PTTG1IP2: variants seen among roughly 807,000 people sequenced by gnomAD.
The protein encoded by PTTG1IP2 is PTTG1IP family member 2.
chr7:90,474,525 G>C (rs996103650), intron 1 of PTTG1IP2, among the ~76,000 whole-genome samples: 4 of 152,218 alleles, frequency 2.6e-5, no homozygotes, highest in African/African-American at 9.6e-5. Flanking sequence ...TGAATACAAA[G>C]AGCAGGAGGG....
At chr7:90,481,824 C>T (rs1355171751) in intron 2 of PTTG1IP2, among the ~76,000 whole-genome samples, 1 of 152,064 alleles carries the variant, frequency 6.6e-6, no homozygotes, top group Non-Finnish European at 1.5e-5. Flanking sequence ...GTATCTCTAA[C>T]ACCTCACACA....
chr7:90,510,583 A>C (rs2116136735), intron 6 of PTTG1IP2, among the ~76,000 whole-genome samples: 1 of 152,292 alleles, frequency 6.6e-6, no homozygotes, highest in South Asian at 2.1e-4. Context: ...GGGACTTTGG[A>C]TAAATATTCT....
rs973242222 is a variant in PTTG1IP2 at position 90,473,383 on chromosome 7, G to A, written c.145+3452G>A. ...GGGACAGGTGAGATTCACACAGTGA[G>A]GCTAGCAAGGAAGGAGGAGGGGACT... On this transcript the variant is annotated intron_variant, in intron 1 of 6. Coordinates refer to ENST00000509356, the MANE Select transcript of PTTG1IP2 (RefSeq NM_001365443.2). Among the ~76,000 whole-genome samples the A allele has an allele frequency of 3.3e-5, 5 of 152,158 alleles. No homozygotes were observed. In the East Asian group the frequency reaches 9.6e-4, roughly 29 times the overall value.
chr7:90,473,768 A>G (rs555298587), intron 1 of PTTG1IP2, among the ~76,000 whole-genome samples: 1 of 152,348 alleles, frequency 6.6e-6, no homozygotes, highest in South Asian at 2.1e-4. Flanking sequence ...AGAGAGGCAG[A>G]AGAACACAGT....
In PTTG1IP2 at chr7:90,492,234, A is replaced by G. The variant is rs1797946871; in HGVS notation, c.381-5A>G. On this transcript the variant is annotated splice_polypyrimidine_tract_variant and splice_region_variant and intron_variant, in intron 4 of 6. Coordinates refer to ENST00000509356, the MANE Select transcript of PTTG1IP2 (RefSeq NM_001365443.2). ...AAATAAGCCTAATTCTAAATTCACC[A>G]TCAGTTTGAACAGAAATCGTGTCTA... is the stretch of plus-strand genomic sequence containing the variant. The G allele has an allele frequency of 6.6e-6, 1 of 152,238 alleles. No homozygotes were observed. Among genetic ancestry groups the G allele is most frequent in the Non-Finnish European group, 1.5e-5 (1 of 68,040 alleles). The allele number at this position is 152,238 out of a possible 1,614,324, so 9.4% of individuals were successfully genotyped here.
chr7:90,507,015 C>T (rs1017153264), intron 6 of PTTG1IP2, among the ~76,000 whole-genome samples: 1 of 152,136 alleles, frequency 6.6e-6, no homozygotes, highest in Non-Finnish European at 1.5e-5. Flanking sequence ...CGATATATTC[C>T]TGACCTATTG....
At chr7:90,495,242 T>C (rs896351183) in intron 6 of PTTG1IP2, among the ~76,000 whole-genome samples, 2 of 152,220 alleles carry the variant, frequency 1.3e-5, no homozygotes, top group Non-Finnish European at 2.9e-5. Context: ...ATTTTACAGC[T>C]AAAATTTCTA....
At chr7:90,482,705 C>T (rs563533087) in intron 2 of PTTG1IP2, among the ~76,000 whole-genome samples, 4 of 152,244 alleles carry the variant, frequency 2.6e-5, no homozygotes, top group African/African-American at 9.6e-5. Flanking sequence ...CATGGTGTCA[C>T]AATGATAAGA....
intron 1 of PTTG1IP2, among the ~76,000 whole-genome samples, chr7:90,474,100 G>A (rs902668220): frequency 6.6e-6 from 1 of 152,158 alleles, no homozygotes; most frequent in Non-Finnish European, 1.5e-5. Context: ...AGATAGTATA[G>A]CCTATTATAC....
At chr7:90,477,940 A>G (rs1170313625) in intron 1 of PTTG1IP2, among the ~76,000 whole-genome samples, 1 of 151,794 alleles carries the variant, frequency 6.6e-6, no homozygotes. Flanking sequence ...TACTGAAAAT[A>G]CAAAAAATTA....
intron 1 of PTTG1IP2, among the ~76,000 whole-genome samples, chr7:90,473,324 A>G (rs1797711802): frequency 6.6e-6 from 1 of 152,178 alleles, no homozygotes; most frequent in Non-Finnish European, 1.5e-5. Context: ...CCACAGCAGG[A>G]CCACAGATGC....
At chr7:90,505,782 A>C (rs1414126734) in intron 6 of PTTG1IP2, among the ~76,000 whole-genome samples, 1 of 151,834 alleles carries the variant, frequency 6.6e-6, no homozygotes, top group Non-Finnish European at 1.5e-5. Flanking sequence ...CAGGAGATCG[A>C]GACCATCCTG....
At chr7:90,498,618 G>C (rs1238385505) in intron 6 of PTTG1IP2, among the ~76,000 whole-genome samples, 1 of 152,162 alleles carries the variant, frequency 6.6e-6, no homozygotes, top group African/African-American at 2.4e-5. Context: ...AATTTATTGT[G>C]AAAGCCTTTT....
intron 2 of PTTG1IP2, among the ~76,000 whole-genome samples, chr7:90,484,723 T>G (rs1327262886): frequency 1.3e-5 from 2 of 152,158 alleles, no homozygotes; most frequent in African/African-American, 4.8e-5. Context: ...TCAAACTAAT[T>G]TAATAAAAAG....
chr7:90,489,933 A>G (rs1324945982), intron 4 of PTTG1IP2, among the ~76,000 whole-genome samples: 1 of 152,024 alleles, frequency 6.6e-6, no homozygotes. Flanking sequence ...GTTTTAAATT[A>G]TCTTCATTAT....
chr7:90,496,277 G>A (rs980364303), intron 6 of PTTG1IP2, among the ~76,000 whole-genome samples: 3 of 152,032 alleles, frequency 2.0e-5, no homozygotes, highest in African/African-American at 7.3e-5. Flanking sequence ...AGATTTTGGG[G>A]TTTTCTTTTA....
intron 6 of PTTG1IP2, among the ~76,000 whole-genome samples, chr7:90,496,166 C>A (rs1257292285): frequency 6.6e-6 from 1 of 152,190 alleles, no homozygotes; most frequent in East Asian, 1.9e-4. Context: ...GTACTGGCCT[C>A]ATTAAATGCA....
intron 1 of PTTG1IP2, among the ~76,000 whole-genome samples, chr7:90,474,763 A>G (rs1232156954): frequency 6.6e-6 from 1 of 152,236 alleles, no homozygotes; most frequent in Non-Finnish European, 1.5e-5. Context: ...TAGCCTATAT[A>G]CATACACCTA....
intron 2 of PTTG1IP2, among the ~76,000 whole-genome samples, chr7:90,483,121 A>G (rs956766208): frequency 2.6e-5 from 4 of 152,146 alleles, no homozygotes; most frequent in Non-Finnish European, 5.9e-5. Context: ...ATGGCAGTCA[A>G]CATGTGGATA....
Sources: allele counts gnomAD v4.1 joint callset (sites outside exome capture counted in the v4.1 genomes callset), GRCh38; gene constraint gnomAD v4.1.1; transcripts MANE v1.5; gene names NCBI Gene and HGNC (gene_info 2026-07-23, HGNC 2026-07-21).